KCNH7: variants seen among roughly 807,000 people sequenced by gnomAD.
KCNH7 encodes the protein voltage-gated inwardly rectifying potassium channel KCNH7.
KCNH7 carries 49 observed loss-of-function variants against 120.8 expected under a neutral mutation model. The ratio of observed to expected loss-of-function variants is 0.41; its 90% confidence interval spans 0.32 to 0.51. KCNH7 has a LOEUF of 0.51. Ranked by LOEUF, KCNH7 falls within the 20% of genes least tolerant of loss-of-function variation. KCNH7 has a pLI of 0.38. For missense variants in KCNH7, 1,097 were observed against 1,446.6 expected (o/e 0.76, Z 3.92); for synonymous variants, 547 against 516.1 (o/e 1.06, Z -0.81).
intron 2 of KCNH7, among the ~76,000 whole-genome samples, chr2:162,646,004 C>T (rs1160272516): frequency 9.2e-5 from 14 of 152,056 alleles, no homozygotes; most frequent in Admixed American, 6.6e-4. Context: ...TTCCAAACAC[C>T]GTGAAATCTA....
At chr2:162,506,787 A>G (rs1423587253) in intron 5 of KCNH7, among the ~76,000 whole-genome samples, 1 of 151,696 alleles carries the variant, frequency 6.6e-6, no homozygotes, top group African/African-American at 2.4e-5. Context: ...GTGCCAATAA[A>G]CTCCTCTGAA....
chr2:162,686,819 G>GC (rs1685908899), intron 2 of KCNH7, among the ~76,000 whole-genome samples: 1 of 152,088 alleles, frequency 6.6e-6, no homozygotes, highest in Non-Finnish European at 1.5e-5. Context: ...TCATCAGTCT[G>GC]CCAGGCATGT....
At chr2:162,532,278 T>C (rs1202685296) in intron 3 of KCNH7, among the ~76,000 whole-genome samples, 1 of 151,886 alleles carries the variant, frequency 6.6e-6, no homozygotes, top group East Asian at 2.0e-4. Flanking sequence ...CCCTGGAGTG[T>C]TGGGACACTT....
At chr2:162,693,302 G>A (rs576959577) in intron 2 of KCNH7, among the ~76,000 whole-genome samples, 4 of 152,254 alleles carry the variant, frequency 2.6e-5, no homozygotes, top group East Asian at 1.9e-4. Flanking sequence ...ACATGCATCT[G>A]TAATACCTAG....
intron 2 of KCNH7, among the ~76,000 whole-genome samples, chr2:162,656,753 T>C (rs1684777558): frequency 6.6e-6 from 1 of 152,170 alleles, no homozygotes. Context: ...TTTTGAGGCA[T>C]ATTTGCTGTG....
At chr2:162,656,455 C>T (rs1449472584) in intron 2 of KCNH7, among the ~76,000 whole-genome samples, 3 of 152,146 alleles carry the variant, frequency 2.0e-5, no homozygotes, top group East Asian at 1.9e-4. Context: ...CTTTCTTATC[C>T]ATCATTTTTT....
chr2:162,602,787 A>C (rs958358716), intron 2 of KCNH7, among the ~76,000 whole-genome samples: 1 of 152,042 alleles, frequency 6.6e-6, no homozygotes, highest in African/African-American at 2.4e-5. Flanking sequence ...AAGGGGAAAT[A>C]AGCAGTAAAG....
At chr2:162,475,934 G>C (rs1382038441) in intron 6 of KCNH7, among the ~76,000 whole-genome samples, 1 of 152,184 alleles carries the variant, frequency 6.6e-6, no homozygotes, top group Non-Finnish European at 1.5e-5. Flanking sequence ...GTGGACGTTT[G>C]TTAGTTTGTA....
chr2:162,510,523 C>T (rs552872876), intron 5 of KCNH7, among the ~76,000 whole-genome samples: 6 of 151,482 alleles, frequency 4.0e-5, no homozygotes, highest in African/African-American at 1.4e-4. Context: ...AGGTATTTAG[C>T]CAATACCTCA....
intron 2 of KCNH7, among the ~76,000 whole-genome samples, chr2:162,637,480 G>A (rs1225280960): frequency 6.6e-6 from 1 of 152,054 alleles, no homozygotes; most frequent in Non-Finnish European, 1.5e-5. Context: ...TTAGTCAAAG[G>A]ATAAAACATT....
intron 5 of KCNH7, among the ~76,000 whole-genome samples, chr2:162,510,844 A>G (rs1190862336): frequency 6.6e-6 from 1 of 151,704 alleles, no homozygotes; most frequent in Non-Finnish European, 1.5e-5. Flanking sequence ...ACACTTAAAC[A>G]TTGTTAATAG....
At chr2:162,739,591 T>C (rs982530873) in intron 2 of KCNH7, among the ~76,000 whole-genome samples, 1 of 152,050 alleles carries the variant, frequency 6.6e-6, no homozygotes, top group Non-Finnish European at 1.5e-5. Flanking sequence ...CAGGTGAACC[T>C]CCCCAGGATT....
chr2:162,646,420 C>T (rs188022561), intron 2 of KCNH7, among the ~76,000 whole-genome samples: 13 of 152,306 alleles, frequency 8.5e-5, no homozygotes, highest in Admixed American at 3.9e-4. Context: ...CACTACAGAA[C>T]GGCCCCTTCC....
chr2:162,634,727 T>C (rs1178169013), intron 2 of KCNH7, among the ~76,000 whole-genome samples: 1 of 151,876 alleles, frequency 6.6e-6, no homozygotes, highest in Non-Finnish European at 1.5e-5. Flanking sequence ...AGTCAAAGAT[T>C]ATAGGAGGGA....
intron 6 of KCNH7, among the ~76,000 whole-genome samples, chr2:162,500,868 T>C (rs1352071): frequency 0.26 from 39,833 of 152,006 alleles, 8,907 homozygotes; most frequent in African/African-American, 0.59. Flanking sequence ...TGGTTATTAC[T>C]AAGTTGTTTT....
chr2:162,755,265 T>A (rs1389454856), intron 2 of KCNH7, among the ~76,000 whole-genome samples: 1 of 151,952 alleles, frequency 6.6e-6, no homozygotes, highest in African/African-American at 2.4e-5. Context: ...GTCAAGGAGA[T>A]CTAGACCAGC....
chr2:162,795,854 G>C (rs1684127575), intron 2 of KCNH7: 1 of 151,996 alleles, frequency 6.6e-6, no homozygotes, highest in Non-Finnish European at 1.5e-5. Context: ...AACAAATCTA[G>C]GAGAATAGGG....
intron 2 of KCNH7, among the ~76,000 whole-genome samples, chr2:162,590,560 G>GA (rs1029294691): frequency 2.7e-4 from 41 of 152,084 alleles, no homozygotes; most frequent in African/African-American, 9.9e-4. Flanking sequence ...GGAAATAAAT[G>GA]AAAAGCCATA....
intron 2 of KCNH7, among the ~76,000 whole-genome samples, chr2:162,741,931 G>GA (rs1443097087): frequency 1.3e-5 from 2 of 152,152 alleles, no homozygotes; most frequent in African/African-American, 4.8e-5. Context: ...ATTTATAGAT[G>GA]CATAGAATGG....
Sources: gnomAD v4.1 joint callset for allele counts (sites outside exome capture counted in the v4.1 genomes callset) on GRCh38, gnomAD v4.1.1 for gene constraint, MANE v1.5 for transcripts, NCBI Gene and HGNC (gene_info 2026-07-23, HGNC 2026-07-21) for gene names.